The following RDX variants were observed in gnomAD, a reference collection of about 807,000 sequenced individuals.
RDX encodes the protein radixin.
A neutral mutation model predicts 83.7 loss-of-function variants in RDX; 32 were observed. That is an observed-to-expected ratio of 0.38 (90% CI 0.29 to 0.51). The LOEUF (loss-of-function observed/expected upper bound fraction) is 0.51. RDX is among the 20% of genes least tolerant of loss of function. RDX has a pLI of 0.87. For missense variants in RDX, 600 were observed against 689.9 expected, an observed-to-expected ratio of 0.87 and a Z score of 1.46; for synonymous variants, 229 against 222.7, an observed-to-expected ratio of 1.03 and a Z score of -0.25.
chr11:110,193,526 T>A (rs1253847864), intron 15 of RDX, among the ~76,000 whole-genome samples: 2 of 131,728 alleles, frequency 1.5e-5, no homozygotes, highest in African/African-American at 5.9e-5. Flanking sequence ...AAAATAAATC[T>A]TGAAATTACA....
At chr11:110,224,116 G>A (rs1425637106) in intron 14 of RDX, among the ~76,000 whole-genome samples, 2 of 151,928 alleles carry the variant, frequency 1.3e-5, no homozygotes, top group South Asian at 2.1e-4. Flanking sequence ...AATTGTGCCT[G>A]TATATTCTGA....
rs112106360 is a variant in RDX, at chr11:110,270,266, A to G, written c.96+2270T>C. Among the ~76,000 whole-genome samples, 141 of 152,324 alleles carry G rather than the reference A, an allele frequency of 9.3e-4. 1 individual carries two copies. The highest frequency in any genetic ancestry group is 3.1e-3 in the African/African-American group (130 of 41,580). Reference sequence around the variant, plus strand: ...ATAGCCTACTACACACCTAGACTATATGGTACAGCCTGTTGCTCCTAGGCT... The same window carrying G: ...ATAGCCTACTACACACCTAGACTATGTGGTACAGCCTGTTGCTCCTAGGCT... On this transcript the variant is annotated intron_variant, in intron 3 of 13. Transcript: ENST00000645495.
downstream of RDX, among the ~76,000 whole-genome samples, chr11:110,228,769 C>T (rs1257620222): frequency 1.3e-5 from 2 of 151,628 alleles, no homozygotes; most frequent in Admixed American, 1.3e-4. Context: ...TAAAATCTAA[C>T]ATAACTTTAT....
intron 9 of RDX, among the ~76,000 whole-genome samples, chr11:110,251,445 A>C (rs1859337090): frequency 6.6e-6 from 1 of 152,172 alleles, no homozygotes; most frequent in South Asian, 2.1e-4. Flanking sequence ...TCTTACAAAA[A>C]CGCTTGAAGG....
intron 4 of RDX, 22 bp from the exon 5 acceptor site, chr11:110,264,256 T>C: frequency 6.4e-7 from 1 of 1,553,178 alleles, no homozygotes; most frequent in Non-Finnish European, 8.8e-7. Flanking sequence ...ATTTCAAGTA[T>C]AATCAACAAA....
At chr11:110,208,426 G>C (rs1863684041) in intron 14 of RDX, among the ~76,000 whole-genome samples, 1 of 152,104 alleles carries the variant, frequency 6.6e-6, no homozygotes, top group Admixed American at 6.6e-5. Flanking sequence ...AACTCACCAA[G>C]AGCCTTCTTC....
At position 110,231,407 on chromosome 11, in the gene RDX, G is replaced by A; in HGVS notation, c.*462C>T. On this transcript the variant is annotated 3_prime_UTR_variant, in exon 14 of 14. Coordinates refer to ENST00000645495, the MANE Select transcript of RDX (RefSeq NM_002906.4). ...CTGATCTGTATGATGGTGGAATTATGGCTATGGACATGGCAGATAAGAGAA... is the reference window on the plus strand; with the variant it reads ...CTGATCTGTATGATGGTGGAATTATAGCTATGGACATGGCAGATAAGAGAA... The A allele has an allele frequency of 4.6e-6, 1 of 219,058 alleles. No individual in the cohort carries two copies. Among genetic ancestry groups the A allele is most frequent in the Non-Finnish European group, 9.2e-6 (1 of 108,730 alleles). 13.6% of individuals were successfully genotyped at this position (219,058 alleles called of 1,614,324 possible). A position where few individuals can be genotyped will look rare whatever the true frequency, so the allele number is the denominator to read the frequency against.
chr11:110,185,430 T>A (rs1319838039), intron 15 of RDX: 1 of 152,224 alleles, frequency 6.6e-6, no homozygotes, highest in Non-Finnish European at 1.5e-5. Flanking sequence ...CTTAGCCAAG[T>A]GTTCCTTGGG....
At chr11:110,244,597 T>C (rs1250850805) in intron 10 of RDX, among the ~76,000 whole-genome samples, 1 of 152,106 alleles carries the variant, frequency 6.6e-6, no homozygotes, top group African/African-American at 2.4e-5. Flanking sequence ...CTAATGGGTA[T>C]GGGATTTCTT....
chr11:110,269,577 G>A (rs1860210903), intron 3 of RDX, among the ~76,000 whole-genome samples: 1 of 152,176 alleles, frequency 6.6e-6, no homozygotes, highest in Non-Finnish European at 1.5e-5. Context: ...GAACCTGCCA[G>A]CTTATCCCAC....
At chr11:110,256,813 T>G (rs1358956142) in intron 7 of RDX, among the ~76,000 whole-genome samples, 1 of 152,224 alleles carries the variant, frequency 6.6e-6, no homozygotes, top group African/African-American at 2.4e-5. Flanking sequence ...ACTTGCTTTG[T>G]AATAAAAACA....
In RDX at chr11:110,264,767, T is replaced by C. The variant is rs533092724; in HGVS notation, c.192+12A>G. On this transcript the variant is annotated intron_variant, in intron 4 of 13. Coordinates refer to ENST00000645495, the MANE Select transcript of RDX (RefSeq NM_002906.4). ...CATAATTATTAGTTTAATGTTATCG[T>C]ACATATTTTACCTTTTTATTTAGTT... 3 of 1,547,898 alleles carry C rather than the reference T, an allele frequency of 1.9e-6. No individual in the cohort carries two copies. In the Admixed American group the frequency reaches 5.0e-5, roughly 26 times the overall value.
chr11:110,270,740 A>G (rs892015062), intron 3 of RDX, among the ~76,000 whole-genome samples: 2 of 152,208 alleles, frequency 1.3e-5, no homozygotes, highest in Non-Finnish European at 2.9e-5. Flanking sequence ...CTGCCCTATA[A>G]TAAATGGTTT....
intron 14 of RDX, among the ~76,000 whole-genome samples, chr11:110,206,831 T>C (rs533050906): frequency 5.5e-4 from 84 of 152,320 alleles, no homozygotes; most frequent in African/African-American, 1.9e-3. Flanking sequence ...AAGTCAATAG[T>C]TACTCTAAGG....
chr11:110,214,736 C>A (rs1863967451), intron 14 of RDX, among the ~76,000 whole-genome samples: 1 of 81,156 alleles, frequency 1.2e-5, no homozygotes. Context: ...TAAACTATCG[C>A]AAGAACAAAA....
At chr11:110,176,380 A>G (rs562334992) in intron 15 of RDX, among the ~76,000 whole-genome samples, 1 of 152,184 alleles carries the variant, frequency 6.6e-6, no homozygotes, top group African/African-American at 2.4e-5. Flanking sequence ...CAGCTTTTAC[A>G]AACCCCAGAG....
intron 10 of RDX, among the ~76,000 whole-genome samples, chr11:110,238,421 A>C (rs1864948561): frequency 6.6e-6 from 1 of 152,188 alleles, no homozygotes; most frequent in South Asian, 2.1e-4. Flanking sequence ...TTATTTTGAC[A>C]ATTATTTAAG....
At chr11:110,247,600 G>C (rs1018014327) in intron 10 of RDX, 103 bp downstream of exon 10, 5 of 1,169,548 alleles carry the variant, frequency 4.3e-6, no homozygotes, top group Non-Finnish European at 6.1e-6. Flanking sequence ...ATATACAATT[G>C]TCCTATATAA....
chr11:110,288,935 G>C (rs979182655), intron 1 of RDX, among the ~76,000 whole-genome samples: 8 of 151,796 alleles, frequency 5.3e-5, no homozygotes, highest in Non-Finnish European at 8.8e-5. Flanking sequence ...ATGAACATGG[G>C]GAACAAAAAA....
Sources: allele counts gnomAD v4.1 joint callset (sites outside exome capture counted in the v4.1 genomes callset), GRCh38; gene constraint gnomAD v4.1.1; transcripts MANE v1.5; gene names NCBI Gene and HGNC (gene_info 2026-07-23, HGNC 2026-07-21).